Variants in FSIP1 observed in about 807,000 individuals in gnomAD.
The protein encoded by FSIP1 is fibrous sheath interacting protein 1.
In FSIP1, 65 loss-of-function variants were observed where a neutral mutation model predicts 60.9. The ratio of observed to expected loss-of-function variants is 1.07; its 90% CI spans 0.87 to 1.31. The LOEUF (loss-of-function observed/expected upper bound fraction) is 1.31, where lower values mean the gene tolerates loss of function less well. Among genes scored for constraint, FSIP1 ranks in the 40% most tolerant of loss-of-function variants. The probability of loss-of-function intolerance (pLI) is 0.00; values close to 1 mark genes in which losing one functional copy is unlikely to be tolerated. For missense variants in FSIP1, 675 were observed against 665.5 expected, an observed-to-expected ratio of 1.01 and a Z score of -0.16; for synonymous variants, 209 against 221.2, an observed-to-expected ratio of 0.94 and a Z score of 0.49.
At chr15:39,728,995 T>A (rs576699208) in intron 8 of FSIP1, among the ~76,000 whole-genome samples, 1 of 151,626 alleles carries the variant, frequency 6.6e-6, no homozygotes, top group South Asian at 2.1e-4. Context: ...AAAAAAACGC[T>A]CGACATCACT....
At chr15:39,776,874 G>A (rs917231472) in intron 1 of FSIP1, among the ~76,000 whole-genome samples, 4 of 152,114 alleles carry the variant, frequency 2.6e-5, no homozygotes, top group Admixed American at 1.3e-4. Context: ...AGGGGCACCC[G>A]TCTCTCAAGC....
At chr15:39,676,849 T>C (rs1893963673) in intron 10 of FSIP1, among the ~76,000 whole-genome samples, 1 of 152,232 alleles carries the variant, frequency 6.6e-6, no homozygotes, top group South Asian at 2.1e-4. Flanking sequence ...GGTATTTAGA[T>C]TCCATTCTTA....
intron 3 of FSIP1, among the ~76,000 whole-genome samples, chr15:39,769,880 T>A (rs927223214): frequency 6.6e-6 from 1 of 152,158 alleles, no homozygotes. Context: ...CAAAGGCAAA[T>A]AGCATCTCAG....
At chr15:39,762,638 C>T (rs1396382642) in intron 5 of FSIP1, among the ~76,000 whole-genome samples, 5 of 152,216 alleles carry the variant, frequency 3.3e-5, no homozygotes, top group African/African-American at 1.2e-4. Flanking sequence ...CTTGGGTAAC[C>T]TGACCTCTTA....
At chr15:39,678,847 G>T (rs1894047783) in intron 10 of FSIP1, among the ~76,000 whole-genome samples, 1 of 152,120 alleles carries the variant, frequency 6.6e-6, no homozygotes, top group African/African-American at 2.4e-5. Context: ...AACCACAAAA[G>T]CTACTAAAAT....
intron 5 of FSIP1, among the ~76,000 whole-genome samples, chr15:39,755,961 A>G (rs1330904073): frequency 1.3e-5 from 2 of 152,110 alleles, no homozygotes; most frequent in Non-Finnish European, 1.5e-5. Flanking sequence ...GGCGATGTAA[A>G]AGAGTTTTGA....
In FSIP1 at chr15:39,668,227, C is replaced by G. The variant is rs62002420; in HGVS notation, c.1188+45217G>C. 9.9e-3 allele frequency among the ~76,000 whole-genome samples: 1,497 copies of G among 150,934 alleles called. 13 individuals are homozygous for G. The highest frequency in any genetic ancestry group is 0.016 in the Non-Finnish European group (1,068 of 67,792). ...CCAAAAAAAAAAAAAAAACCTGGCC[C>G]GTAATAAGCATTCCATGAATATTTG... On this transcript the variant is annotated intron_variant, in intron 10 of 11. Coordinates refer to ENST00000350221, the MANE Select transcript of FSIP1 (RefSeq NM_152597.5).
intron 6 of FSIP1, 21 bp from the exon 7 acceptor site, chr15:39,739,810 A>G: frequency 6.8e-7 from 1 of 1,472,918 alleles, no homozygotes; most frequent in Non-Finnish European, 9.2e-7. Context: ...AAAAGTTCAA[A>G]ATTTTTTCAT....
downstream of FSIP1, chr15:39,599,921 A>G (rs74008644): frequency 1.4e-3 from 213 of 152,388 alleles, no homozygotes; most frequent in Middle Eastern, 6.8e-3. Flanking sequence ...AATACCTCTG[A>G]AAATAGTAGC....
intron 5 of FSIP1, chr15:39,747,284 T>C (rs920877202): frequency 6.6e-6 from 1 of 152,226 alleles, no homozygotes; most frequent in African/African-American, 2.4e-5. Flanking sequence ...ACAAGGAATT[T>C]AGAATTGTTT....
intron 3 of FSIP1, among the ~76,000 whole-genome samples, chr15:39,767,960 T>A (rs1336218339): frequency 6.6e-6 from 1 of 152,044 alleles, no homozygotes; most frequent in Non-Finnish European, 1.5e-5. Flanking sequence ...AGGCAGAGGG[T>A]CTCATTGAGC....
At chr15:39,706,032 T>A (rs1486312368) in intron 10 of FSIP1, among the ~76,000 whole-genome samples, 1 of 151,864 alleles carries the variant, frequency 6.6e-6, no homozygotes, top group Non-Finnish European at 1.5e-5. Flanking sequence ...CTAAAAGTCT[T>A]CTATTGACAA....
chr15:39,736,751 C>T (rs930749436), intron 8 of FSIP1, among the ~76,000 whole-genome samples: 2 of 152,178 alleles, frequency 1.3e-5, no homozygotes, highest in Non-Finnish European at 2.9e-5. Flanking sequence ...TGGGAGAGTG[C>T]CTTTGGGACC....
At chr15:39,769,705 A>T (rs1897817798) in intron 3 of FSIP1, among the ~76,000 whole-genome samples, 1 of 152,248 alleles carries the variant, frequency 6.6e-6, no homozygotes, top group Admixed American at 6.5e-5. Context: ...ACTGATTCAT[A>T]GCCAGTGACA....
chr15:39,728,586 T>A (rs1481957710), intron 8 of FSIP1, among the ~76,000 whole-genome samples: 2 of 152,234 alleles, frequency 1.3e-5, no homozygotes, highest in African/African-American at 4.8e-5. Flanking sequence ...GCTAGCCATG[T>A]GCAGAAGACT....
chr15:39,695,860 T>C (rs766545850), intron 10 of FSIP1, among the ~76,000 whole-genome samples: 9 of 152,172 alleles, frequency 5.9e-5, no homozygotes, highest in Non-Finnish European at 8.8e-5. Context: ...AAGAAAAAAA[T>C]TACATTCCTC....
At chr15:39,611,237 G>A (rs187653527) in intron 11 of FSIP1, among the ~76,000 whole-genome samples, 11 of 152,120 alleles carry the variant, frequency 7.2e-5, no homozygotes, top group Admixed American at 2.0e-4. Flanking sequence ...CGGGGGGAGG[G>A]CGTTAAAGTA....
chr15:39,667,593 C>A (rs1252976297), intron 10 of FSIP1, among the ~76,000 whole-genome samples: 1 of 152,188 alleles, frequency 6.6e-6, no homozygotes, highest in Non-Finnish European at 1.5e-5. Flanking sequence ...CTGAAGCTTG[C>A]TGAGGGAAAC....
rs779307434 is a variant in FSIP1, at chr15:39,617,723, G to T, written c.1699+12C>A. The stretch of plus-strand genomic sequence containing the variant: ...GAATTATTTACCAAAACACATGTTC[G>T]CCAAGCCTCACCTGCTATTGTATTC... On this transcript the variant is annotated intron_variant, in intron 11 of 11. Coordinates refer to ENST00000350221, the MANE Select transcript of FSIP1 (RefSeq NM_152597.5). 2 of 1,598,084 alleles carry T rather than the reference G, an allele frequency of 1.3e-6. No homozygotes were observed. Among genetic ancestry groups the T allele is most frequent in the South Asian group, 1.1e-5 (1 of 89,230 alleles).
Sources: gnomAD v4.1 joint callset for allele counts (sites outside exome capture counted in the v4.1 genomes callset) on GRCh38, gnomAD v4.1.1 for gene constraint, MANE v1.5 for transcripts, NCBI Gene and HGNC (gene_info 2026-07-23, HGNC 2026-07-21) for gene names.